Variants in TRIM67 observed in about 807,000 individuals in gnomAD.
TRIM67 encodes the protein tripartite motif containing 67.
In TRIM67, 39 loss-of-function variants were observed where a neutral mutation model predicts 71.0. That is an observed-to-expected ratio of 0.55 (90% confidence interval 0.43 to 0.72). The LOEUF (loss-of-function observed/expected upper bound fraction) is 0.72. Ranked by LOEUF, TRIM67 falls within the 30% of genes least tolerant of loss-of-function variation. The probability of loss-of-function intolerance (pLI) is 0.00; values close to 1 mark genes in which losing one functional copy is unlikely to be tolerated. For missense variants in TRIM67, 973 were observed against 1,079.2 expected (o/e 0.90, Z 1.38); for synonymous variants, 481 against 473.9 (o/e 1.01, Z -0.19).
chr1:231,163,709 AGCATCGCCTGGT>A lies in TRIM67; in HGVS notation c.744_755del (p.His248_Val251del). 2 of 1,505,604 alleles carry A rather than the reference AGCATCGCCTGGT, an allele frequency of 1.3e-6. No homozygotes were observed. The highest frequency in any genetic ancestry group is 4.3e-5 in the Admixed American group (2 of 46,018). The allele number at this position is 1,505,604 out of a possible 1,614,324, so 93.3% of individuals were successfully genotyped here. On this transcript the variant is annotated inframe_deletion, in exon 1 of 10. Transcript: ENST00000366653. ...CATCCATCCCGGGGACCCTTCGCCA[AGCATCGCCTGGT>A]GCAGCCGCCGCCGCCGCCGCCGCCG...
intron 1 of TRIM67, among the ~76,000 whole-genome samples, chr1:231,179,117 A>T (rs1322976326): frequency 6.6e-6 from 1 of 152,232 alleles, no homozygotes; most frequent in African/African-American, 2.4e-5. Context: ...TTCTTGTCTC[A>T]CAGTTCTGGA....
Position 231,163,941 on chromosome 1 carries a change from T to G in TRIM67, c.972T>G (p.Tyr324Ter). Residue 324 changes from tyrosine (Y) to a stop codon, truncating the protein, a stop_gained, in exon 1 of 10, where the codon TAT becomes TAG. Coordinates refer to ENST00000366653, the MANE Select transcript of TRIM67 (RefSeq NM_001004342.5). LOFTEE classifies it high-confidence loss of function. Reference sequence around the variant, plus strand: ...TGAGCTGTCGAACCCCGGTGTGTTATCTGTGCCTGGAGGAGGGCCGGCACG... The same window carrying G: ...TGAGCTGTCGAACCCCGGTGTGTTAGCTGTGCCTGGAGGAGGGCCGGCACG... ...YCVSCRTPVC[Y>*]LCLEEGRHAK... 6.3e-7 allele frequency: 1 copy of G among 1,585,604 alleles called. No individual in the cohort carries two copies. Among genetic ancestry groups the G allele is most frequent in the Non-Finnish European group, 8.6e-7 (1 of 1,166,294 alleles).
In TRIM67 at chr1:231,219,195, A is replaced by G; in HGVS notation, c.*3755A>G. The G allele has an allele frequency of 2.0e-6, 2 of 985,528 alleles. No individual in the cohort carries two copies. Among genetic ancestry groups the G allele is most frequent in the Non-Finnish European group, 2.4e-6 (2 of 830,068 alleles). 61.0% of individuals were successfully genotyped at this position (985,528 alleles called of 1,614,324 possible). ...GTGGCGCCAGGGTTTCTCAACCTCT[A>G]CTGACATTTTGCGATAGGTTCTGTA... is the stretch of plus-strand genomic sequence containing the variant. On this transcript the variant is annotated 3_prime_UTR_variant, in exon 10 of 10. Coordinates refer to ENST00000366653, the MANE Select transcript of TRIM67 (RefSeq NM_001004342.5).
At chr1:231,185,058 CT>C in intron 1 of TRIM67, 5 of 1,532,918 alleles carry the variant, frequency 3.3e-6, no homozygotes, top group Non-Finnish European at 3.5e-6. Flanking sequence ...TGGAGCTGAG[CT>C]GGTGCCTGGA....
rs920880650 is a variant in TRIM67, at chr1:231,179,490, C to A, written c.1044+15477C>A. Among the ~76,000 whole-genome samples the A allele has an allele frequency of 2.6e-5, 4 of 152,308 alleles. No homozygotes were observed. The East Asian group carries it at 7.7e-4, about 29-fold the overall frequency. ...GGGACACATTTCAGCCTATAACACA[C>A]GAAAACATTAATTAGTTGGTTAATG... On this transcript the variant is annotated intron_variant, in intron 1 of 9. Transcript: ENST00000366653.
At chr1:231,198,567 G>A (rs529236680) in intron 2 of TRIM67, among the ~76,000 whole-genome samples, 1 of 152,248 alleles carries the variant, frequency 6.6e-6, no homozygotes, top group East Asian at 1.9e-4. Flanking sequence ...TGTATTTTTA[G>A]TGGGGACGGG....
chr1:231,170,073 G>A lies in TRIM67; in HGVS notation c.1044+6060G>A, dbSNP rs544246036. Among the ~76,000 whole-genome samples, 217 of 148,484 alleles carry A rather than the reference G, an allele frequency of 1.5e-3. 1 individual carries two copies. The highest frequency in any genetic ancestry group is 5.1e-3 in the African/African-American group (201 of 39,290). ...GCAATCTCGGCTCACTGCAACCTCC[G>A]CCTCCTGGGTTCAAGAGATTCTCCT... On this transcript the variant is annotated intron_variant, in intron 1 of 9. Coordinates refer to ENST00000366653, the MANE Select transcript of TRIM67 (RefSeq NM_001004342.5).
rs893626363 is a variant in TRIM67, at chr1:231,218,532, A to G, written c.*3092A>G. ...TATCCACTAGCACCTCACTGCATAC[A>G]TAGCATCCCAGCTCCTAATTCAAAG... On this transcript the variant is annotated 3_prime_UTR_variant, in exon 10 of 10. Coordinates refer to ENST00000366653, the MANE Select transcript of TRIM67 (RefSeq NM_001004342.5). The G allele has an allele frequency of 7.1e-6, 7 of 985,336 alleles. No individual in the cohort carries two copies. The Admixed American group carries it at 1.8e-4, about 26-fold the overall frequency. The allele number at this position is 985,336 out of a possible 1,614,324, so 61.0% of individuals were successfully genotyped here.
chr1:231,187,304 C>A, intron 1 of TRIM67, among the ~76,000 whole-genome samples: 1 of 152,060 alleles, frequency 6.6e-6, no homozygotes, highest in Middle Eastern at 3.2e-3. Context: ...ATCTGCCTGG[C>A]GGAGGAGTGT....
intron 1 of TRIM67, among the ~76,000 whole-genome samples, chr1:231,164,474 G>T (rs1682396260): frequency 6.6e-6 from 1 of 152,154 alleles, no homozygotes. Flanking sequence ...TCAAAATCTG[G>T]TTAGGTCCTT....
intron 1 of TRIM67, among the ~76,000 whole-genome samples, chr1:231,192,202 G>GTCTC (rs71774946): frequency 2.7e-5 from 4 of 149,896 alleles, no homozygotes; most frequent in South Asian, 2.1e-4. Context: ...CACTCTCCCT[G>GTCTC]TCTCTCTCTC....
rs1682307199 is a variant in TRIM67, at chr1:231,162,295, G to A, written c.-675G>A. ...GCGTCCACAGCCGCCCAGGAGTAGG[G>A]TGAGCGGCTGTCTCCGGGCCGGTCG... On this transcript the variant is annotated 5_prime_UTR_variant, in exon 1 of 10. In the 5' UTR this introduces an upstream ATG that the reference lacks. Transcript: ENST00000366653. 2.0e-5 allele frequency: 3 copies of A among 152,144 alleles called. No homozygotes were observed. In the South Asian group the frequency reaches 6.2e-4, roughly 31 times the overall value. 9.4% of individuals were successfully genotyped at this position (152,144 alleles called of 1,614,324 possible).
rs763388850 is a variant in TRIM67 at position 231,203,989 on chromosome 1, G to C, written c.1657G>C (p.Asp553His). ...PVDGYILELD[D>H]GAGGQFREVY... Reference sequence around the variant, plus strand: ...GGACGGCTACATCCTGGAGCTGGACGACGGTGCCGGGGGACAGTTCCGGGT... The same window carrying C: ...GGACGGCTACATCCTGGAGCTGGACCACGGTGCCGGGGGACAGTTCCGGGT... The change falls in exon 6 of 10, where the codon GAC becomes CAC. Residue 553 changes from aspartate to histidine, a missense_variant. Coordinates refer to ENST00000366653, the MANE Select transcript of TRIM67 (RefSeq NM_001004342.5). The C allele has an allele frequency of 6.2e-7, 1 of 1,613,850 alleles. No homozygotes were observed. Among genetic ancestry groups the C allele is most frequent in the Admixed American group, 1.7e-5 (1 of 60,006 alleles).
At chr1:231,191,761 G>T (rs1213681243) in intron 1 of TRIM67, among the ~76,000 whole-genome samples, 3 of 152,228 alleles carry the variant, frequency 2.0e-5, no homozygotes, top group Non-Finnish European at 4.4e-5. Context: ...AGTAGGTTTG[G>T]AATGACCACA....
At chr1:231,196,645 G>C (rs1209374976) in intron 1 of TRIM67, among the ~76,000 whole-genome samples, 1 of 152,074 alleles carries the variant, frequency 6.6e-6, no homozygotes, top group African/African-American at 2.4e-5. Context: ...AATTGTGTGT[G>C]TATGTGGTTC....
chr1:231,185,367 T>A, intron 1 of TRIM67: 1 of 827,054 alleles, frequency 1.2e-6, no homozygotes, highest in Non-Finnish European at 1.8e-6. Flanking sequence ...TCATCTGAAG[T>A]GGGGAAGAAT....
chr1:231,186,265 A>C, intron 1 of TRIM67: 1 of 1,097,486 alleles, frequency 9.1e-7, no homozygotes, highest in South Asian at 1.4e-5. Flanking sequence ...TTCTTCCTGA[A>C]GGAGGAGCAC....
intron 9 of TRIM67, 80 bp downstream of exon 9, chr1:231,214,057 A>G: frequency 6.9e-7 from 1 of 1,443,532 alleles, no homozygotes; most frequent in Non-Finnish European, 9.2e-7. Flanking sequence ...CCTTGGGCAG[A>G]GTGGGCCATA....
At position 231,218,637 on chromosome 1, in the gene TRIM67, C is replaced by T; in HGVS notation, c.*3197C>T. 1.0e-6 allele frequency: 1 copy of T among 985,462 alleles called. No homozygotes were observed. The highest frequency in any genetic ancestry group is 1.2e-6 in the Non-Finnish European group (1 of 829,944). 61.0% of individuals were successfully genotyped at this position (985,462 alleles called of 1,614,324 possible). A position where few individuals can be genotyped will look rare whatever the true frequency, so the allele number is the denominator to read the frequency against. ...AAATAATGATTCCAATTAAAGAGGA[C>T]ACCAGTAATACTGACCCACAAGGTA... On this transcript the variant is annotated 3_prime_UTR_variant, in exon 10 of 10. Transcript: ENST00000366653.
Sources: gnomAD v4.1 joint callset for allele counts (sites outside exome capture counted in the v4.1 genomes callset) on GRCh38, gnomAD v4.1.1 for gene constraint, MANE v1.5 for transcripts, NCBI Gene and HGNC (gene_info 2026-07-23, HGNC 2026-07-21) for gene names.